Variants in KAZN observed in about 807,000 individuals in gnomAD.
KAZN encodes kazrin.
A neutral mutation model predicts 87.4 loss-of-function variants in KAZN; 40 were observed. That is an observed-to-expected ratio of 0.46 (90% CI 0.36 to 0.60). The LOEUF is 0.60. KAZN is among the 20% of genes least tolerant of loss of function. The pLI is 0.00. For synonymous variants in KAZN, 466 were observed against 458.3 expected, an observed-to-expected ratio of 1.02 and a Z score of -0.22; for missense variants, 898 against 1,073.9, an observed-to-expected ratio of 0.84 and a Z score of 2.29.
intron 1 of KAZN, among the ~76,000 whole-genome samples, chr1:14,691,363 A>G (rs887695219): frequency 3.9e-5 from 6 of 152,214 alleles, no homozygotes; most frequent in Non-Finnish European, 8.8e-5. Context: ...CTCTACAAAT[A>G]TATTTATACA....
At position 14,726,774 on chromosome 1, in the gene KAZN, G is replaced by T. The variant is rs965086007; in HGVS notation, c.226+127551G>T. ...CCCCGGGGAACTTGAGAGACATGCAGATTCTCAGGCCCCGCCCCAGACCTG... is the reference window on the plus strand; with the variant it reads ...CCCCGGGGAACTTGAGAGACATGCATATTCTCAGGCCCCGCCCCAGACCTG... On this transcript the variant is annotated intron_variant, in intron 1 of 14. Coordinates refer to ENST00000376030, the MANE Select transcript of KAZN (RefSeq NM_201628.3). Among the ~76,000 whole-genome samples the T allele has an allele frequency of 1.6e-4, 25 of 152,208 alleles. 1 individual carries two copies. The highest frequency in any genetic ancestry group is 1.3e-4 in the Admixed American group (2 of 15,278).
chr1:14,115,098 C>T lies in KAZN; in HGVS notation c.92-65337C>T, dbSNP rs75401348. Among the ~76,000 whole-genome samples the T allele has an allele frequency of 3.9e-3, 597 of 152,334 alleles. 6 individuals carry two copies. The highest frequency in any genetic ancestry group is 0.013 in the African/African-American group (557 of 41,576). On this transcript the variant is annotated intron_variant, in intron 1 of 16. Coordinates refer to the KAZN transcript ENST00000636203. Reference sequence around the variant, plus strand: ...GGTTAAAGAGCAGACATTGATCTTCCACAGTGCTGGAGGCTGCAAGTCCAA... The same window carrying T: ...GGTTAAAGAGCAGACATTGATCTTCTACAGTGCTGGAGGCTGCAAGTCCAA...
intron 1 of KAZN, among the ~76,000 whole-genome samples, chr1:14,693,054 C>T (rs1424008992): frequency 6.6e-6 from 1 of 152,164 alleles, no homozygotes; most frequent in African/African-American, 2.4e-5. Flanking sequence ...GTCCCTGCTT[C>T]GACCCTAAGC....
intron 2 of KAZN, among the ~76,000 whole-genome samples, chr1:14,540,119 G>T (rs1407187561): frequency 6.6e-6 from 1 of 152,200 alleles, no homozygotes; most frequent in Admixed American, 6.5e-5. Flanking sequence ...GCTGCTAAGT[G>T]AAATATGATG....
At chr1:13,995,155 C>G (rs982708403) in intron 1 of KAZN, among the ~76,000 whole-genome samples, 2 of 147,940 alleles carry the variant, frequency 1.4e-5, no homozygotes, top group Admixed American at 6.9e-5. Flanking sequence ...GCCTTTGGGA[C>G]CTGGAATAAA....
intron 1 of KAZN, among the ~76,000 whole-genome samples, chr1:14,644,064 T>C (rs1431292550): frequency 7.1e-6 from 1 of 141,262 alleles, no homozygotes; most frequent in Admixed American, 7.8e-5. Context: ...CTGGCTGGAG[T>C]GCAGTGGCGC....
chr1:15,064,951 G>GTACAAA (rs1639102442), intron 7 of KAZN, among the ~76,000 whole-genome samples: 1 of 151,656 alleles, frequency 6.6e-6, no homozygotes, highest in South Asian at 2.1e-4. Flanking sequence ...TATTATTACA[G>GTACAAA]TACAAATGAC....
intron 1 of KAZN, among the ~76,000 whole-genome samples, chr1:14,645,710 C>T (rs1363772997): frequency 1.3e-5 from 2 of 152,152 alleles, no homozygotes; most frequent in Non-Finnish European, 2.9e-5. Flanking sequence ...AGTTTGACTT[C>T]CTCTCTTCCT....
At chr1:14,808,008 T>C (rs975440794) in intron 1 of KAZN, among the ~76,000 whole-genome samples, 4 of 152,176 alleles carry the variant, frequency 2.6e-5, no homozygotes, top group African/African-American at 9.6e-5. Context: ...ACTGGCTCCA[T>C]TGTGCTCAGT....
At chr1:13,976,185 A>G (rs961587884) in intron 1 of KAZN, among the ~76,000 whole-genome samples, 36 of 152,344 alleles carry the variant, frequency 2.4e-4, no homozygotes, top group African/African-American at 7.9e-4. Context: ...TACAATAATG[A>G]CCATTCTGTC....
At chr1:14,273,598 A>G (rs1652120847) in intron 2 of KAZN, among the ~76,000 whole-genome samples, 1 of 152,232 alleles carries the variant, frequency 6.6e-6, no homozygotes, top group African/African-American at 2.4e-5. Context: ...ATGGCAAGAA[A>G]AATGCTAATA....
chr1:14,363,184 T>C (rs936559540), intron 2 of KAZN, among the ~76,000 whole-genome samples: 8 of 152,150 alleles, frequency 5.3e-5, no homozygotes, highest in Admixed American at 2.6e-4. Flanking sequence ...AGGTTGGCAG[T>C]TGGGGACTCT....
At chr1:14,101,616 G>A (rs1644250375) in intron 1 of KAZN, among the ~76,000 whole-genome samples, 1 of 152,150 alleles carries the variant, frequency 6.6e-6, no homozygotes, top group South Asian at 2.1e-4. Flanking sequence ...CATTTGTGTT[G>A]TCTAAGTTTT....
intron 4 of KAZN, among the ~76,000 whole-genome samples, chr1:15,048,316 C>A (rs1412162864): frequency 6.6e-6 from 1 of 152,238 alleles, no homozygotes; most frequent in Non-Finnish European, 1.5e-5. Flanking sequence ...AGCCATCCAC[C>A]CTTGCTGGGG....
intron 2 of KAZN, among the ~76,000 whole-genome samples, chr1:14,361,714 A>G (rs3928345): frequency 0.2 from 30,866 of 152,230 alleles, 3,559 homozygotes; most frequent in Admixed American, 0.27. Flanking sequence ...TGTGGGCTGC[A>G]CCCACTGTCT....
At position 14,924,736 on chromosome 1, in the gene KAZN, C is replaced by T. The variant is rs1038987663; in HGVS notation, c.227-35948C>T. Among the ~76,000 whole-genome samples the T allele has an allele frequency of 4.3e-4, 65 of 152,146 alleles. 1 individual carries two copies. Among genetic ancestry groups the T allele is most frequent in the African/African-American group, 1.6e-3 (65 of 41,546 alleles). On this transcript the variant is annotated intron_variant, in intron 1 of 14. Transcript: ENST00000376030. ...AGCCCCGGGCGGGTGCAGCGGGAGG[C>T]GTGCGGGACGCAGAGTGAGTTCCTC... is the stretch of plus-strand genomic sequence containing the variant.
intron 1 of KAZN, among the ~76,000 whole-genome samples, chr1:14,898,410 C>G (rs1466460536): frequency 6.6e-6 from 1 of 152,134 alleles, no homozygotes; most frequent in Non-Finnish European, 1.5e-5. Context: ...GTGGCAAGAG[C>G]GAGATACAGT....
chr1:14,958,420 A>G (rs567310817), intron 1 of KAZN, among the ~76,000 whole-genome samples: 9 of 151,540 alleles, frequency 5.9e-5, no homozygotes, highest in African/African-American at 1.7e-4. Flanking sequence ...AGCACTTCCT[A>G]TGTACACAAG....
intron 8 of KAZN, among the ~76,000 whole-genome samples, chr1:15,068,618 G>A (rs1315503685): frequency 6.6e-6 from 1 of 151,992 alleles, no homozygotes; most frequent in African/African-American, 2.4e-5. Context: ...TAGAGAGGGA[G>A]CCACAGGCTT....
Sources: gnomAD v4.1 joint callset for allele counts (sites outside exome capture counted in the v4.1 genomes callset) on GRCh38, gnomAD v4.1.1 for gene constraint, MANE v1.5 for transcripts, NCBI Gene and HGNC (gene_info 2026-07-23, HGNC 2026-07-21) for gene names.